Variants in SCN11A observed in about 807,000 individuals in gnomAD.
SCN11A encodes sodium channel protein type 11 subunit alpha.
A neutral mutation model predicts 162.2 loss-of-function variants in SCN11A; 122 were observed. The ratio of observed to expected loss-of-function variants is 0.75; its 90% confidence interval spans 0.65 to 0.87. The LOEUF (loss-of-function observed/expected upper bound fraction) is 0.87. Ranked by LOEUF, SCN11A falls within the 40% of genes least tolerant of loss-of-function variation. The pLI is 0.00. For missense variants in SCN11A, 2,015 were observed against 2,181.6 expected (o/e 0.92, Z 1.52); for synonymous variants, 758 against 751.5 (o/e 1.01, Z -0.14).
At chr3:39,028,146 C>T (rs551881435) in intron 2 of SCN11A, among the ~76,000 whole-genome samples, 1 of 152,310 alleles carries the variant, frequency 6.6e-6, no homozygotes, top group African/African-American at 2.4e-5. Context: ...ACCAAAACAA[C>T]TAGTTGGCCC....
Position 38,894,919 on chromosome 3 carries a change from C to T in SCN11A, c.2449G>A (p.Glu817Lys). ...IALLLNSFSN[E>K]ERNGNLEGEA... ...CCTTCTAAGTTTCCATTTCTTTCCT[C>T]ATTGCTAAAGGAATTGAGCAGTAAG... The change falls in exon 19 of 30, where the codon GAG (glutamate) becomes AAG (lysine). Residue 817 changes from glutamate to lysine, a missense_variant. Glu to Lys is a moderately conservative substitution (Grantham distance 56). Coordinates refer to ENST00000302328, the MANE Select transcript of SCN11A (RefSeq NM_001349253.2). The T allele has an allele frequency of 6.2e-7, 1 of 1,613,956 alleles. No individual in the cohort carries two copies.
chr3:38,898,679 G>T (rs2065646597), intron 17 of SCN11A, among the ~76,000 whole-genome samples: 1 of 152,156 alleles, frequency 6.6e-6, no homozygotes, highest in African/African-American at 2.4e-5. Context: ...TTGTTTTATA[G>T]GTTGTTTCTT....
chr3:38,959,372 T>C (rs2066718140), intron 3 of SCN11A, among the ~76,000 whole-genome samples: 1 of 152,230 alleles, frequency 6.6e-6, no homozygotes, highest in Non-Finnish European at 1.5e-5. Flanking sequence ...TTAGCCACCA[T>C]GCAATTCCTC....
intron 19 of SCN11A, among the ~76,000 whole-genome samples, chr3:38,888,550 C>T (rs1487375415): frequency 6.6e-6 from 1 of 152,172 alleles, no homozygotes; most frequent in African/African-American, 2.4e-5. Flanking sequence ...CTGAAAATGT[C>T]TTTAAATTAA....
chr3:38,865,611 T>TA (rs11373745), intron 27 of SCN11A, among the ~76,000 whole-genome samples: 38,807 of 151,496 alleles, frequency 0.26, 5,098 homozygotes, highest in African/African-American at 0.3. Flanking sequence ...TAAGTACAAT[T>TA]AAAAAAAAGC....
intron 23 of SCN11A, among the ~76,000 whole-genome samples, chr3:38,873,392 T>C (rs1287725514): frequency 6.6e-6 from 1 of 152,170 alleles, no homozygotes; most frequent in Non-Finnish European, 1.5e-5. Context: ...CTCATTGTAG[T>C]AGTGAAGAGA....
intron 14 of SCN11A, among the ~76,000 whole-genome samples, chr3:38,906,778 T>C (rs2065798784): frequency 6.6e-6 from 1 of 152,142 alleles, no homozygotes; most frequent in Non-Finnish European, 1.5e-5. Context: ...TATATAAACC[T>C]TTCAATGCTC....
intron 1 of SCN11A, among the ~76,000 whole-genome samples, chr3:39,050,514 T>C (rs1360100084): frequency 6.6e-6 from 1 of 152,236 alleles, no homozygotes; most frequent in East Asian, 1.9e-4. Flanking sequence ...AATTTACCTA[T>C]AAGTTATCAC....
intron 2 of SCN11A, among the ~76,000 whole-genome samples, chr3:39,022,720 A>T (rs979880280): frequency 6.6e-6 from 1 of 152,064 alleles, no homozygotes; most frequent in East Asian, 1.9e-4. Flanking sequence ...TGTCCCTACA[A>T]GAAAAATACA....
At chr3:39,027,658 G>A (rs1369218067) in intron 2 of SCN11A, among the ~76,000 whole-genome samples, 1 of 152,154 alleles carries the variant, frequency 6.6e-6, no homozygotes, top group East Asian at 1.9e-4. Flanking sequence ...CGACTGGGGA[G>A]GCTGTTTACC....
At chr3:39,032,875 G>A in intron 1 of SCN11A, among the ~76,000 whole-genome samples, 1 of 152,186 alleles carries the variant, frequency 6.6e-6, no homozygotes, top group Non-Finnish European at 1.5e-5. Flanking sequence ...AAACTGGCCA[G>A]GCACAGTGGC....
At chr3:38,860,121 C>G (rs1418647772) in intron 28 of SCN11A, among the ~76,000 whole-genome samples, 1 of 152,032 alleles carries the variant, frequency 6.6e-6, no homozygotes, top group African/African-American at 2.4e-5. Flanking sequence ...CCTATGATTC[C>G]ATATCAAACC....
chr3:38,909,024 G>A lies in SCN11A; in HGVS notation c.1272C>T (p.Ala424=), dbSNP rs1559525202. The change falls in exon 13 of 30, where the codon GCC becomes GCT. Residue 424 remains alanine, a synonymous_variant. Coordinates refer to ENST00000302328, the MANE Select transcript of SCN11A (RefSeq NM_001349253.2). ...CCTTTTCCTCCTTTAACAGCTGCTG[G>A]GCTTCCTGAAACATCTTTTCCTTGG... ...IEAKEKMFQE[A]QQLLKEEKEA... is the part of the protein sequence containing the mutation. 3 of 1,613,430 alleles carry A rather than the reference G, an allele frequency of 1.9e-6. No individual in the cohort carries two copies. Among genetic ancestry groups the A allele is most frequent in the Non-Finnish European group, 1.7e-6 (2 of 1,179,874 alleles).
intron 17 of SCN11A, 122 bp from the exon 18 acceptor site, chr3:38,897,347 T>C (rs2065620816): frequency 1.1e-5 from 10 of 934,130 alleles, no homozygotes; most frequent in Non-Finnish European, 1.6e-5. Flanking sequence ...CTCTTCAAAG[T>C]TAAATCTATC....
intron 7 of SCN11A, among the ~76,000 whole-genome samples, chr3:38,940,029 A>G (rs775729065): frequency 3.4e-5 from 5 of 148,450 alleles, no homozygotes; most frequent in Non-Finnish European, 7.4e-5. Flanking sequence ...TATATAAAAT[A>G]TTGATATGTA....
chr3:39,001,950 T>C (rs1049742912), intron 2 of SCN11A, among the ~76,000 whole-genome samples: 5 of 151,676 alleles, frequency 3.3e-5, no homozygotes, highest in Non-Finnish European at 5.9e-5. Context: ...GGCAGGAGAA[T>C]GGCGTGAACC....
At chr3:38,871,797 G>T in intron 24 of SCN11A, 89 bp from the exon 25 acceptor site, 3 of 1,090,024 alleles carry the variant, frequency 2.8e-6, no homozygotes, top group Non-Finnish European at 4.0e-6. Context: ...GATGTGCAGG[G>T]CTTGATCTCT....
At chr3:38,885,516 G>A (rs1191097845) in intron 20 of SCN11A, 114 bp from the exon 21 acceptor site, 7 of 648,790 alleles carry the variant, frequency 1.1e-5, no homozygotes, top group Admixed American at 2.6e-5. Context: ...CTAGGCAAAG[G>A]TTTCTAGGAT....
chr3:39,002,264 T>C (rs954090713), intron 2 of SCN11A, among the ~76,000 whole-genome samples: 3 of 152,154 alleles, frequency 2.0e-5, no homozygotes, highest in African/African-American at 7.2e-5. Flanking sequence ...TTCAAACAAG[T>C]CCAAATGAGA....
Sources: allele counts gnomAD v4.1 joint callset (sites outside exome capture counted in the v4.1 genomes callset), GRCh38; gene constraint gnomAD v4.1.1; transcripts MANE v1.5; gene names NCBI Gene and HGNC (gene_info 2026-07-23, HGNC 2026-07-21).